Variants in COPB2 observed in about 807,000 individuals in gnomAD.
COPB2 encodes the protein coat protein complex I subunit beta 2, also known as coatomer subunit beta'.
A neutral mutation model predicts 120.8 loss-of-function variants in COPB2; 16 were observed. The ratio of observed to expected loss-of-function variants is 0.13; its 90% CI spans 0.09 to 0.20. COPB2 has a LOEUF of 0.20. COPB2 is among the 10% of genes least tolerant of loss of function. The pLI is 1.00. For missense variants in COPB2, 794 were observed against 1,076.5 expected (o/e 0.74, Z 3.67); for synonymous variants, 332 against 366.3 (o/e 0.91, Z 1.07).
chr3:139,362,309 C>A, intron 16 of COPB2, 98 bp downstream of exon 16: 2 of 660,082 alleles, frequency 3.0e-6, no homozygotes, highest in East Asian at 2.9e-5. Flanking sequence ...CACTAATTTG[C>A]ATTTGGGAAA....
chr3:139,366,814 T>C (rs775113878), intron 14 of COPB2, 39 bp from the exon 15 acceptor site: 1 of 1,594,336 alleles, frequency 6.3e-7, no homozygotes, highest in Non-Finnish European at 8.6e-7. Context: ...AATTCAAATC[T>C]GCAATTACAC....
At chr3:139,381,662 G>C (rs1380719406) in intron 2 of COPB2, 1 of 152,102 alleles carries the variant, frequency 6.6e-6, no homozygotes, top group Non-Finnish European at 1.5e-5. Context: ...AGGTATAGAA[G>C]AGAAAAAGGA....
rs537027836 is a variant in COPB2, at chr3:139,373,153, G to T, written c.1094+60C>A. ...AACCACAGGGCAAGAGTGGACTGTG[G>T]ATCTGCAAACCTGTTCTAACATACA... On this transcript the variant is annotated intron_variant, in intron 9 of 21. Transcript: ENST00000333188. 4.6e-6 allele frequency: 7 copies of T among 1,528,966 alleles called. No individual in the cohort carries two copies. The African/African-American group carries it at 6.8e-5, about 15-fold the overall frequency. 94.7% of individuals were successfully genotyped at this position (1,528,966 alleles called of 1,614,324 possible). A position where few individuals can be genotyped will look rare whatever the true frequency, so the allele number is the denominator to read the frequency against.
chr3:139,377,915 A>C (rs1941744728), intron 5 of COPB2, 126 bp downstream of exon 5: 2 of 825,838 alleles, frequency 2.4e-6, no homozygotes, highest in Admixed American at 6.3e-5. Context: ...TCCTATTTTG[A>C]CTTCAAAACA....
At chr3:139,367,458 T>TTA (rs1941539334) in intron 13 of COPB2, among the ~76,000 whole-genome samples, 1 of 152,074 alleles carries the variant, frequency 6.6e-6, no homozygotes. Flanking sequence ...TGGCTAATTC[T>TTA]TATGTTTTTC....
rs1941438176 is a variant in COPB2, at chr3:139,362,426, T to C, written c.1976A>G (p.Gln659Arg). The C allele has an allele frequency of 6.2e-7, 1 of 1,610,574 alleles. No individual in the cohort carries two copies. The highest frequency in any genetic ancestry group is 1.3e-5 in the African/African-American group (1 of 74,818). The part of the protein sequence containing the change: ...LQLGELKIAY[Q>R]LAVEAESEQK... ...ACATACCTCTGCTTCCACTGCTAAC[T>C]GGTATGCAATTTTTAACTCTCCAAG... Residue 659 changes from glutamine (Q) to arginine (R), a missense_variant, in exon 16 of 22, where the codon CAG becomes CGG. By Grantham distance (43) the Gln-to-Arg change is conservative (BLOSUM62 1). This residue lies in a region of COPB2 where 610 missense variants were observed against 866.7 expected (regional missense o/e 0.70). Transcript: ENST00000333188.
intron 1 of COPB2, among the ~76,000 whole-genome samples, chr3:139,386,455 T>C (rs1941923675): frequency 6.6e-6 from 1 of 152,206 alleles, no homozygotes. Flanking sequence ...TTTCACCATA[T>C]TGGCCAGGCT....
At chr3:139,362,598 A>G in intron 15 of COPB2, 81 bp from the exon 16 acceptor site, 2 of 734,072 alleles carry the variant, frequency 2.7e-6, no homozygotes, top group African/African-American at 1.8e-5. Context: ...ATACACACAC[A>G]TATACAGTGT....
rs371807575 is a variant in COPB2, at chr3:139,368,199, A to G, written c.1491T>C (p.Ala497=). 2.4e-4 allele frequency: 381 copies of G among 1,613,846 alleles called. No homozygotes were observed. Among genetic ancestry groups the G allele is most frequent in the Non-Finnish European group, 3.1e-4 (367 of 1,179,910 alleles). ...ILKYLSEKVL[A]AQETHEGVTE... ...TAACTCCCTCATGTGTTTCCTGTGC[A>G]GCCAAGACTTTTTCTGACAGATACT... The change falls in exon 13 of 22, where the codon GCT becomes GCC. Residue 497 remains alanine (A), a synonymous_variant. Transcript: ENST00000333188.
In COPB2 at chr3:139,359,193, A is replaced by G. The variant is rs781755151; in HGVS notation, c.2304-15T>C. The G allele has an allele frequency of 2.5e-6, 4 of 1,612,214 alleles. No individual in the cohort carries two copies. The highest frequency in any genetic ancestry group is 2.2e-5 in the East Asian group (1 of 44,872). The stretch of plus-strand genomic sequence containing the variant: ...GTTTCACTACCCTATTATAGACATC[A>G]TGGAACCAAAGAGAGACTAAGTAAA... On this transcript the variant is annotated splice_polypyrimidine_tract_variant and intron_variant, in intron 18 of 21. Coordinates refer to ENST00000333188, the MANE Select transcript of COPB2 (RefSeq NM_004766.3).
At chr3:139,364,465 C>A (rs1941480875) in intron 15 of COPB2, among the ~76,000 whole-genome samples, 1 of 152,148 alleles carries the variant, frequency 6.6e-6, no homozygotes, top group Admixed American at 6.5e-5. Flanking sequence ...AAAATGGATA[C>A]ACAGACTCAA....
intron 2 of COPB2, chr3:139,380,983 G>C (rs189541415): frequency 4.6e-5 from 7 of 152,314 alleles, no homozygotes; most frequent in Admixed American, 2.0e-4. Flanking sequence ...TGCAAATAAA[G>C]AGTAAGAAAA....
At chr3:139,383,979 T>C (rs1283042349) in intron 1 of COPB2, among the ~76,000 whole-genome samples, 1 of 152,220 alleles carries the variant, frequency 6.6e-6, no homozygotes, top group Non-Finnish European at 1.5e-5. Context: ...CTGCCTTCAA[T>C]ATGTTGTGAT....
intron 20 of COPB2, 33 bp downstream of exon 20, chr3:139,358,711 A>G: frequency 6.7e-7 from 1 of 1,494,780 alleles, no homozygotes; most frequent in Non-Finnish European, 9.3e-7. Context: ...GAACCATCTC[A>G]GCCAAATTTA....
At chr3:139,367,436 C>T (rs996482031) in intron 13 of COPB2, among the ~76,000 whole-genome samples, 13 of 151,858 alleles carry the variant, frequency 8.6e-5, no homozygotes, top group African/African-American at 2.2e-4. Flanking sequence ...TACAGGCGCC[C>T]GCCACCATGC....
At position 139,368,178 on chromosome 3, in the gene COPB2, T is replaced by C; in HGVS notation, c.1512A>G (p.Gly504=). The change falls in exon 13 of 22, where the codon GGA becomes GGG. Residue 504 remains glycine, a synonymous_variant. Coordinates refer to ENST00000333188, the MANE Select transcript of COPB2 (RefSeq NM_004766.3). ...KVLAAQETHE[G]VTEDGIEDAF... ...CATCTTCAATGCCATCTTCAGTAAC[T>C]CCCTCATGTGTTTCCTGTGCAGCCA... is the stretch of plus-strand genomic sequence containing the variant. 1.9e-6 allele frequency: 3 copies of C among 1,613,772 alleles called. No individual in the cohort carries two copies. The highest frequency in any genetic ancestry group is 2.5e-6 in the Non-Finnish European group (3 of 1,179,822).
chr3:139,381,426 A>C (rs1054678833), intron 2 of COPB2: 2 of 152,256 alleles, frequency 1.3e-5, no homozygotes, highest in African/African-American at 4.8e-5. Context: ...AACAGGGAGA[A>C]TCAAAGACAG....
chr3:139,382,652 G>A (rs952865066), intron 2 of COPB2: 4 of 152,110 alleles, frequency 2.6e-5, no homozygotes, highest in African/African-American at 9.7e-5. Context: ...CTTAACTTTG[G>A]ACGTTAAGGA....
At position 139,357,898 on chromosome 3, in the gene COPB2, C is replaced by T. The variant is rs777607354; in HGVS notation, c.2686G>A (p.Asp896Asn). The T allele has an allele frequency of 6.3e-7, 1 of 1,597,840 alleles. No homozygotes were observed. Among genetic ancestry groups the T allele is most frequent in the Non-Finnish European group, 8.6e-7 (1 of 1,167,900 alleles). ...NLELEDIDTTDINLDEDILDD is the reference protein window; with the variant it reads ...NLELEDIDTTNINLDEDILDD ...AAAATATCTTCATCCAGATTGATATCTGTTGTGTCAATATCTTCTAATTCC... is the reference window on the plus strand; with the variant it reads ...AAAATATCTTCATCCAGATTGATATTTGTTGTGTCAATATCTTCTAATTCC... The change falls in exon 22 of 22, where the codon GAT becomes AAT. Residue 896 changes from aspartate (D) to asparagine (N), a missense_variant. Physicochemically the swap from Asp to Asn is conservative, Grantham distance 23. Around this residue, in one of 3 missense-constraint regions of COPB2, gnomAD observed 178 missense variants for 183.2 expected, o/e 0.97. Coordinates refer to ENST00000333188, the MANE Select transcript of COPB2 (RefSeq NM_004766.3).
Sources: allele counts gnomAD v4.1 joint callset (sites outside exome capture counted in the v4.1 genomes callset), GRCh38; gene constraint gnomAD v4.1.1; regional missense constraint gnomAD v4.1.1; transcripts MANE v1.5; gene names NCBI Gene and HGNC (gene_info 2026-07-23, HGNC 2026-07-21).